CPLANE1: variants seen among roughly 807,000 people sequenced by gnomAD.
CPLANE1 encodes the protein ciliogenesis and planar polarity effector 1.
Under a neutral mutation model 362.5 loss-of-function variants are expected in CPLANE1, and 263 were observed. The ratio of observed to expected loss-of-function variants is 0.73; its 90% CI spans 0.66 to 0.80. The LOEUF (loss-of-function observed/expected upper bound fraction) is 0.80, where lower values mean the gene tolerates loss of function less well. Among genes scored for constraint, CPLANE1 ranks in the 30% least tolerant of loss-of-function variants. The pLI is 0.00. For synonymous variants in CPLANE1, 1,212 were observed against 1,302.6 expected, an observed-to-expected ratio of 0.93 and a Z score of 1.50; for missense variants, 3,461 against 3,793.4, an observed-to-expected ratio of 0.91 and a Z score of 2.30.
chr5:37,225,248 C>G (rs1395176088), intron 12 of CPLANE1, among the ~76,000 whole-genome samples: 1 of 151,846 alleles, frequency 6.6e-6, no homozygotes, highest in African/African-American at 2.4e-5. Flanking sequence ...ACCACAGGTG[C>G]ACCACACTGT....
chr5:37,180,182 T>C lies in CPLANE1; in HGVS notation c.5572A>G (p.Arg1858Gly). 1 of 1,461,476 alleles carries C rather than the reference T, an allele frequency of 6.8e-7. No homozygotes were observed. The highest frequency in any genetic ancestry group is 9.1e-7 in the Non-Finnish European group (1 of 1,102,654). 90.5% of individuals were successfully genotyped at this position (1,461,476 alleles called of 1,614,324 possible). A position where few individuals can be genotyped will look rare whatever the true frequency, so the allele number is the denominator to read the frequency against. ...GGATTTTTTGCTTCAGTTGGCATTC[T>C]ACTGAAAAAAATGCAGCAACTAAAA... is the stretch of plus-strand genomic sequence containing the variant. ...QNKSCQNILNRMPTEAKNPDI... is the reference protein window; with the variant it reads ...QNKSCQNILNGMPTEAKNPDI... The change falls in exon 28 of 53, where the codon AGA becomes GGA. Residue 1858 changes from arginine (R) to glycine (G), a missense_variant and splice_region_variant. By Grantham distance (125) the Arg-to-Gly change is moderately radical (BLOSUM62 -2). Around this residue, in one of 2 missense-constraint regions of CPLANE1, gnomAD observed 3,380 missense variants for 3,666.1 expected, o/e 0.92. Coordinates refer to ENST00000651892, the MANE Select transcript of CPLANE1 (RefSeq NM_001384732.1).
rs754229376 is a variant in CPLANE1, at chr5:37,187,413, C to T, written c.4080+1G>A. 1.9e-6 allele frequency: 3 copies of T among 1,607,956 alleles called. No individual in the cohort carries two copies. Among genetic ancestry groups the T allele is most frequent in the Non-Finnish European group, 2.5e-6 (3 of 1,177,876 alleles). On this transcript the variant is annotated splice_donor_variant, in intron 23 of 52. Transcript: ENST00000651892. LOFTEE classifies it high-confidence loss of function. Reference sequence around the variant, plus strand: ...TTTACTTTCACCTACAAGCACATTACCTTTCTGATTGGTGGCAGTTCTCCA... The same window carrying T: ...TTTACTTTCACCTACAAGCACATTATCTTTCTGATTGGTGGCAGTTCTCCA...
chr5:37,225,719 G>A (rs868646174), intron 12 of CPLANE1, among the ~76,000 whole-genome samples: 1 of 151,934 alleles, frequency 6.6e-6, no homozygotes, highest in Non-Finnish European at 1.5e-5. Flanking sequence ...AAGCGTGGTG[G>A]CAGGCGCCTG....
rs529292438 is a variant in CPLANE1 at position 37,209,931 on chromosome 5, C to T, written c.2921-3506G>A. ...TCAGTTTGCAGATGCTTACCCTCAGCGTATCAAGTTTGAGTCTTTAGAAAT... is the reference window on the plus strand; with the variant it reads ...TCAGTTTGCAGATGCTTACCCTCAGTGTATCAAGTTTGAGTCTTTAGAAAT... On this transcript the variant is annotated intron_variant, in intron 16 of 52. Transcript: ENST00000651892. This position sits in a 1 kb window ranked among gnomAD's most constrained non-coding sequence, Gnocchi z 4.6. The T allele has an allele frequency of 4.1e-4, 555 of 1,358,170 alleles. 2 individuals are homozygous for T. Among genetic ancestry groups the T allele is most frequent in the Middle Eastern group, 1.8e-3 (7 of 3,972 alleles). 84.1% of individuals were successfully genotyped at this position (1,358,170 alleles called of 1,614,324 possible).
intron 51 of CPLANE1, among the ~76,000 whole-genome samples, chr5:37,113,457 A>G (rs946494547): frequency 2.0e-5 from 3 of 152,146 alleles, no homozygotes; most frequent in Admixed American, 6.5e-5. Context: ...TAAATTACCC[A>G]GTTTCAGGTA....
At chr5:37,189,918 G>GA (rs1446233976) in intron 21 of CPLANE1, among the ~76,000 whole-genome samples, 1 of 151,974 alleles carries the variant, frequency 6.6e-6, no homozygotes, top group Non-Finnish European at 1.5e-5. Context: ...AGAATCACTT[G>GA]AACCGGGGAG....
chr5:37,075,931 A>C, the CPLANE1 span, among the ~76,000 whole-genome samples: 1 of 152,076 alleles, frequency 6.6e-6, no homozygotes, highest in Non-Finnish European at 1.5e-5. Flanking sequence ...TTTTTAATAC[A>C]GGTATTGCAC....
In CPLANE1 at chr5:37,226,387, A is replaced by G. The variant is rs1561663335; in HGVS notation, c.2208T>C (p.Ser736=). The G allele has an allele frequency of 1.4e-5, 22 of 1,549,186 alleles. No individual in the cohort carries two copies. The highest frequency in any genetic ancestry group is 1.9e-5 in the Non-Finnish European group (22 of 1,146,252). Residue 736 remains serine (S), a synonymous_variant, in exon 12 of 53, where the codon AGT becomes AGC. Coordinates refer to ENST00000651892, the MANE Select transcript of CPLANE1 (RefSeq NM_001384732.1). ...VVPIFQMFQD[S]GFQKNWSWNS... is the part of the protein sequence containing the mutation. ...TCCAAGACCAGTTTTTCTGAAAACC[A>G]CTATCTTGAAACATCTGAAAAATAG...
intron 9 of CPLANE1, among the ~76,000 whole-genome samples, chr5:37,230,214 A>T (rs1366216329): frequency 4.0e-5 from 6 of 151,608 alleles, no homozygotes; most frequent in African/African-American, 1.5e-4. Context: ...ATGAAAATTT[A>T]AAAATTGAAA....
At position 37,154,459 on chromosome 5, in the gene CPLANE1, C is replaced by CTTTTTTTTTTTTTTTTTTTTT. The variant is rs35522666; in HGVS notation, c.8120-487_8120-467dup. 1.5e-4 allele frequency among the ~76,000 whole-genome samples: 13 copies of CTTTTTTTTTTTTTTTTTTTTT among 84,576 alleles called. 1 individual carries two copies. Among genetic ancestry groups the CTTTTTTTTTTTTTTTTTTTTT allele is most frequent in the African/African-American group, 5.7e-4 (10 of 17,646 alleles). 55.5% of individuals were successfully genotyped at this position (84,576 alleles called of 152,430 possible). On this transcript the variant is annotated intron_variant, in intron 41 of 52. Transcript: ENST00000651892. ...TTCTTCTCCCAAATTTGCAATAGTT[C>CTTTTTTTTTTTTTTTTTTTTT]TTTTTTTTTTTTTTTTTTTTTTTTA...
At chr5:37,208,686 CCAA>C (rs1330689499) in intron 16 of CPLANE1, among the ~76,000 whole-genome samples, 49 of 124,842 alleles carry the variant, frequency 3.9e-4, no homozygotes, top group South Asian at 1.1e-3. Context: ...CCCCCCCCCC[CCAA>C]AAAAAAAAAA....
At chr5:37,224,023 A>G (rs1795910898) in intron 14 of CPLANE1, among the ~76,000 whole-genome samples, 1 of 152,210 alleles carries the variant, frequency 6.6e-6, no homozygotes, top group South Asian at 2.1e-4. Context: ...ATAATTTTAA[A>G]TAAGTATTCA....
intron 36 of CPLANE1, among the ~76,000 whole-genome samples, chr5:37,165,169 A>C (rs1293073882): frequency 6.6e-6 from 1 of 152,222 alleles, no homozygotes; most frequent in East Asian, 1.9e-4. Flanking sequence ...TTACACAACA[A>C]ACCTGTTTGG....
At chr5:37,174,068 G>A in intron 31 of CPLANE1, 121 bp from the exon 32 acceptor site, 1 of 856,430 alleles carries the variant, frequency 1.2e-6, no homozygotes, top group South Asian at 1.8e-5. Flanking sequence ...TATTCTAGTA[G>A]TTTTCTAGAA....
intron 18 of CPLANE1, among the ~76,000 whole-genome samples, chr5:37,202,855 G>A (rs1397023662): frequency 6.6e-6 from 1 of 151,728 alleles, no homozygotes; most frequent in African/African-American, 2.4e-5. Context: ...TCTGTTGTGT[G>A]TTCTACAAAG....
At chr5:37,193,218 T>C (rs181833566) in intron 21 of CPLANE1, among the ~76,000 whole-genome samples, 2 of 152,218 alleles carry the variant, frequency 1.3e-5, no homozygotes, top group Admixed American at 1.3e-4. Flanking sequence ...TCACTACATA[T>C]ACTGAAGTAC....
In CPLANE1 at chr5:37,184,961, T is replaced by A; in HGVS notation, c.4308A>T (p.Pro1436=). 6.2e-7 allele frequency: 1 copy of A among 1,614,138 alleles called. No homozygotes were observed. Among genetic ancestry groups the A allele is most frequent in the African/African-American group, 1.3e-5 (1 of 75,052 alleles). The change falls in exon 25 of 53, where the codon CCA becomes CCT. Residue 1436 remains proline (P), a synonymous_variant. Coordinates refer to ENST00000651892, the MANE Select transcript of CPLANE1 (RefSeq NM_001384732.1). The part of the protein sequence containing the change: ...IGSFEVNIWE[P]IEEEKPDEAP... ...CCTCATCTGGTTTCTCTTCTTCAAT[T>A]GGTTCCCATATATTCACTTCAAAAG...
Position 37,125,343 on chromosome 5 carries a change from C to A in CPLANE1, c.8859G>T (p.Trp2953Cys). 6.2e-6 allele frequency: 10 copies of A among 1,613,904 alleles called. No individual in the cohort carries two copies. The highest frequency in any genetic ancestry group is 8.5e-6 in the Non-Finnish European group (10 of 1,179,914). Reference protein sequence around the residue: ...TDKERREIQAWMKRKRKERMA... With the variant: ...TDKERREIQACMKRKRKERMA... ...TTCTTTCTTTTCGTTTTCTTTTCAT[C>A]CAGGCTTGAATCTCTCTTCTTTCCT... Residue 2953 changes from tryptophan (W) to cysteine (C), a missense_variant, in exon 47 of 53, where the codon TGG becomes TGT. By Grantham distance (215) the Trp-to-Cys change is radical (BLOSUM62 -2). Around this residue, in one of 2 missense-constraint regions of CPLANE1, gnomAD observed 3,380 missense variants for 3,666.1 expected, o/e 0.92. Transcript: ENST00000651892.
At position 37,226,727 on chromosome 5, in the gene CPLANE1, A is replaced by T; in HGVS notation, c.1868T>A (p.Leu623Ter). ...KCPFPKLDLV[L>*]SKSSRHNAWI... ...TGCATTATGTCTTGAGCTTTTGCTT[A>T]AAACAAGATCAAGTTTAGGAAAAGG... The change falls in exon 12 of 53, where the codon TTA (leucine) becomes TAA (stop). Residue 623 changes from leucine (L) to a stop codon, truncating the protein, a stop_gained. Coordinates refer to ENST00000651892, the MANE Select transcript of CPLANE1 (RefSeq NM_001384732.1). LOFTEE classifies it high-confidence loss of function. 1 of 1,544,880 alleles carries T rather than the reference A, an allele frequency of 6.5e-7. No homozygotes were observed. The highest frequency in any genetic ancestry group is 8.7e-7 in the Non-Finnish European group (1 of 1,144,262).
Sources: gnomAD v4.1 joint callset for allele counts (sites outside exome capture counted in the v4.1 genomes callset) on GRCh38, gnomAD v4.1.1 for gene constraint, gnomAD v4.1.1 regional missense constraint, Gnocchi (gnomAD v3.1) non-coding constraint, MANE v1.5 for transcripts, NCBI Gene and HGNC (gene_info 2026-07-23, HGNC 2026-07-21) for gene names.